Variants in SPAG9 observed in about 807,000 individuals in gnomAD.
SPAG9 encodes the protein sperm associated antigen 9, also known as C-Jun-amino-terminal kinase-interacting protein 4.
Under a neutral mutation model 166.5 loss-of-function variants are expected in SPAG9, and 35 were observed. The observed-to-expected ratio is 0.21, with a 90% CI of 0.16 to 0.28. The LOEUF is 0.28. SPAG9 is among the 10% of genes least tolerant of loss of function. SPAG9 has a pLI of 1.00. For synonymous variants in SPAG9, 534 were observed against 565.5 expected, an observed-to-expected ratio of 0.94 and a Z score of 0.79; for missense variants, 1,235 against 1,603.3, an observed-to-expected ratio of 0.77 and a Z score of 3.92.
intron 1 of SPAG9, among the ~76,000 whole-genome samples, chr17:51,111,698 G>A (rs1171007749): frequency 6.6e-6 from 1 of 152,136 alleles, no homozygotes; most frequent in Non-Finnish European, 1.5e-5. Context: ...CGCCTCCCAG[G>A]TACAAGTGAT....
At chr17:51,106,328 A>G (rs7214230) in intron 1 of SPAG9, among the ~76,000 whole-genome samples, 1 of 152,098 alleles carries the variant, frequency 6.6e-6, no homozygotes, top group Non-Finnish European at 1.5e-5. Flanking sequence ...AATAAAATTT[A>G]AAAAAATTTT....
At chr17:51,070,371 C>A (rs890514711) in intron 2 of SPAG9, among the ~76,000 whole-genome samples, 2 of 152,128 alleles carry the variant, frequency 1.3e-5, no homozygotes, top group East Asian at 3.8e-4. Flanking sequence ...TTACTACTAA[C>A]CCTTACTTCT....
intron 14 of SPAG9, 36 bp downstream of exon 14, chr17:50,999,625 A>G (rs1264925357): frequency 1.9e-5 from 29 of 1,562,598 alleles, no homozygotes; most frequent in African/African-American, 2.7e-5. Context: ...TTCTTGTCTC[A>G]TGTGCTGTCT....
intron 1 of SPAG9, among the ~76,000 whole-genome samples, chr17:51,099,086 C>A (rs551040685): frequency 1.1e-4 from 13 of 121,750 alleles, no homozygotes; most frequent in Non-Finnish European, 2.1e-4. Flanking sequence ...GGTGACAGAG[C>A]GAGACTCCGT....
intron 9 of SPAG9, among the ~76,000 whole-genome samples, chr17:51,010,582 A>AATATAT (rs994068022): frequency 6.1e-5 from 8 of 130,626 alleles, no homozygotes; most frequent in African/African-American, 2.3e-4. Flanking sequence ...AAAAAAAAAA[A>AATATAT]ATATATATAT....
chr17:51,113,743 T>C (rs1311968786), intron 1 of SPAG9, among the ~76,000 whole-genome samples: 1 of 151,022 alleles, frequency 6.6e-6, no homozygotes, highest in Non-Finnish European at 1.5e-5. Context: ...ACACCTGTAA[T>C]CACAGCACTT....
At chr17:51,104,002 A>G (rs1419439028) in intron 1 of SPAG9, among the ~76,000 whole-genome samples, 1 of 152,198 alleles carries the variant, frequency 6.6e-6, no homozygotes, top group Non-Finnish European at 1.5e-5. Flanking sequence ...TTTAGAAAGT[A>G]ATGAGATTCC....
At chr17:51,068,156 G>A (rs963631762) in intron 2 of SPAG9, among the ~76,000 whole-genome samples, 1 of 152,098 alleles carries the variant, frequency 6.6e-6, no homozygotes, top group Non-Finnish European at 1.5e-5. Flanking sequence ...ATTGACATGT[G>A]GTCTTTCAGA....
chr17:51,005,026 T>C (rs1309096425), intron 12 of SPAG9, among the ~76,000 whole-genome samples, 186 bp downstream of exon 12: 2 of 152,198 alleles, frequency 1.3e-5, no homozygotes, highest in Admixed American at 6.5e-5. Flanking sequence ...GCACACTGCA[T>C]GGAGCTAGAA....
rs529318841 is a variant in SPAG9 at position 51,086,134 on chromosome 17, C to T, written c.304-6430G>A. 2.6e-5 allele frequency among the ~76,000 whole-genome samples: 4 copies of T among 151,800 alleles called. No individual in the cohort carries two copies. In the South Asian group the frequency reaches 8.3e-4, roughly 32 times the overall value. ...CATAGCTGAATCAGGCATGCATCAC[C>T]ATACTCAGCTAATTTTTGTATTTTT... On this transcript the variant is annotated intron_variant, in intron 1 of 29. Coordinates refer to ENST00000262013, the MANE Select transcript of SPAG9 (RefSeq NM_001130528.3).
rs1259518918 is a variant in SPAG9, at chr17:50,987,518, T to C, written c.2814-281A>G. ...TATCACACCTGGCTTCAACTTTTAG[T>C]CAAAAAAAAAAAAAGAAACCACCAA... is the stretch of plus-strand genomic sequence containing the variant. On this transcript the variant is annotated intron_variant, in intron 21 of 29. Coordinates refer to ENST00000262013, the MANE Select transcript of SPAG9 (RefSeq NM_001130528.3). Among the ~76,000 whole-genome samples, 3 of 142,306 alleles carry C rather than the reference T, an allele frequency of 2.1e-5. No homozygotes were observed. The Admixed American group carries it at 2.1e-4, about 10-fold the overall frequency. 93.4% of individuals were successfully genotyped at this position (142,306 alleles called of 152,430 possible). A position where few individuals can be genotyped will look rare whatever the true frequency, so the allele number is the denominator to read the frequency against.
intron 1 of SPAG9, among the ~76,000 whole-genome samples, chr17:51,080,042 C>T (rs2048117878): frequency 6.6e-6 from 1 of 151,978 alleles, no homozygotes; most frequent in Non-Finnish European, 1.5e-5. Context: ...CAATAGAGAA[C>T]AAAAGAATGA....
chr17:51,009,489 C>T (rs1244044807), intron 9 of SPAG9, among the ~76,000 whole-genome samples: 1 of 152,074 alleles, frequency 6.6e-6, no homozygotes, highest in Non-Finnish European at 1.5e-5. Flanking sequence ...CCGTATGATC[C>T]ATATATTATC....
intron 4 of SPAG9, chr17:51,046,483 A>T (rs1302371519): frequency 6.6e-7 from 1 of 1,522,316 alleles, no homozygotes; most frequent in Non-Finnish European, 8.8e-7. Flanking sequence ...AGGGGCTTCT[A>T]AGAGAGATGG....
At chr17:51,095,675 T>TATATATATAGTGATATATATATAGTG (rs1260367825) in intron 1 of SPAG9, among the ~76,000 whole-genome samples, 1 of 148,688 alleles carries the variant, frequency 6.7e-6, no homozygotes, top group Non-Finnish European at 1.5e-5. Context: ...AATGTGTATA[T>TATATATATAGTGATATATATATAGTG]ATATATATAG....
intron 1 of SPAG9, among the ~76,000 whole-genome samples, chr17:51,103,787 G>A (rs1215102996): frequency 1.3e-5 from 2 of 152,114 alleles, no homozygotes; most frequent in African/African-American, 2.4e-5. Context: ...AGAGATGGGC[G>A]GTTTATAGGT....
Position 50,965,912 on chromosome 17 carries a change from AATTC to A in SPAG9, c.*356_*359del, listed in dbSNP as rs1166005137. 1 of 196,818 alleles carries A rather than the reference AATTC, an allele frequency of 5.1e-6. No homozygotes were observed. Among genetic ancestry groups the A allele is most frequent in the Non-Finnish European group, 1.1e-5 (1 of 92,544 alleles). The allele number at this position is 196,818 out of a possible 1,614,324, so 12.2% of individuals were successfully genotyped here. A position where few individuals can be genotyped will look rare whatever the true frequency, so the allele number is the denominator to read the frequency against. On this transcript the variant is annotated 3_prime_UTR_variant, in exon 30 of 30. Transcript: ENST00000262013. The stretch of plus-strand genomic sequence containing the variant: ...TTTCATTTATCAAGTGTTTCCCATT[AATTC>A]CATTATTAGTGACAGCTAACAAGTG...
rs964204270 is a variant in SPAG9, at chr17:51,001,615, G to A, written c.1607+100C>T. 3 of 1,139,408 alleles carry A rather than the reference G, an allele frequency of 2.6e-6. No homozygotes were observed. In the African/African-American group the frequency reaches 4.8e-5, roughly 18 times the overall value. 70.6% of individuals were successfully genotyped at this position (1,139,408 alleles called of 1,614,324 possible). The stretch of plus-strand genomic sequence containing the variant: ...AGTCTCTCCTAGTAAACAGAGAAAG[G>A]GGCTTGGATCTTACAGGGCAGGACT... On this transcript the variant is annotated intron_variant, in intron 13 of 29. Coordinates refer to ENST00000262013, the MANE Select transcript of SPAG9 (RefSeq NM_001130528.3).
At chr17:51,085,686 A>T (rs1394550908) in intron 1 of SPAG9, among the ~76,000 whole-genome samples, 1 of 152,178 alleles carries the variant, frequency 6.6e-6, no homozygotes, top group African/African-American at 2.4e-5. Context: ...AAACTTAGAG[A>T]TTACAAAATG....
Sources: gnomAD v4.1 joint callset for allele counts (sites outside exome capture counted in the v4.1 genomes callset) on GRCh38, gnomAD v4.1.1 for gene constraint, MANE v1.5 for transcripts, NCBI Gene and HGNC (gene_info 2026-07-23, HGNC 2026-07-21) for gene names.